The following SASH1 variants were observed in gnomAD, a reference collection of about 807,000 sequenced individuals.
SASH1 encodes the protein SAM and SH3 domain containing 1.
In SASH1, 44 loss-of-function variants were observed where a neutral mutation model predicts 125.2. The ratio of observed to expected loss-of-function variants is 0.35; its 90% CI spans 0.28 to 0.45. The LOEUF is 0.45. Among genes scored for constraint, SASH1 ranks in the 20% least tolerant of loss-of-function variants. The pLI is 1.00. For synonymous variants in SASH1, 639 were observed against 649.1 expected (o/e 0.98, Z 0.24); for missense variants, 1,426 against 1,614.5 (o/e 0.88, Z 2.00).
chr6:148,206,562 G>C, the SASH1 span, among the ~76,000 whole-genome samples: 1 of 152,108 alleles, frequency 6.6e-6, no homozygotes, highest in Non-Finnish European at 1.5e-5. Context: ...GGCCAAGGCA[G>C]GTGGACCACC....
intron 1 of SASH1, among the ~76,000 whole-genome samples, chr6:148,332,368 T>A (rs1410447614): frequency 6.6e-6 from 1 of 152,222 alleles, no homozygotes; most frequent in African/African-American, 2.4e-5. Flanking sequence ...ATTGCTCAAT[T>A]TCAGCAGCAG....
At chr6:148,536,016 A>G (rs895278314) in intron 16 of SASH1, among the ~76,000 whole-genome samples, 1 of 152,236 alleles carries the variant, frequency 6.6e-6, no homozygotes, top group Non-Finnish European at 1.5e-5. Context: ...AACACACACC[A>G]TCAGATAGAT....
chr6:148,461,116 A>T (rs1646676616), intron 4 of SASH1, among the ~76,000 whole-genome samples: 1 of 152,176 alleles, frequency 6.6e-6, no homozygotes, highest in South Asian at 2.1e-4. Context: ...TGATCCTCTT[A>T]ACAGTCCATT....
At chr6:148,249,267 G>C in the SASH1 span, among the ~76,000 whole-genome samples, 10,636 of 152,310 alleles carry the variant, frequency 0.07, 406 homozygotes, top group Middle Eastern at 0.095. Flanking sequence ...CCTGAGGGGA[G>C]AAGCTGCTTA....
At chr6:148,331,014 C>T (rs1010903882) in intron 1 of SASH1, among the ~76,000 whole-genome samples, 1 of 152,032 alleles carries the variant, frequency 6.6e-6, no homozygotes, top group Non-Finnish European at 1.5e-5. Flanking sequence ...TATAATCTTA[C>T]GGTTCTCTGT....
chr6:148,437,575 G>A (rs894939012), intron 2 of SASH1, among the ~76,000 whole-genome samples: 2 of 152,192 alleles, frequency 1.3e-5, no homozygotes, highest in African/African-American at 4.8e-5. Flanking sequence ...TAAACAAGCT[G>A]GGCGTGGTCA....
At chr6:148,365,770 T>C (rs1189181283) in intron 1 of SASH1, among the ~76,000 whole-genome samples, 1 of 151,502 alleles carries the variant, frequency 6.6e-6, no homozygotes, top group African/African-American at 2.4e-5. Flanking sequence ...GCTCAGGAGT[T>C]CGAGACCAGC....
At chr6:148,389,210 C>A (rs551236821) in intron 1 of SASH1, among the ~76,000 whole-genome samples, 1 of 151,948 alleles carries the variant, frequency 6.6e-6, no homozygotes, top group Non-Finnish European at 1.5e-5. Flanking sequence ...AAAGTCTAAG[C>A]GCTTCACACG....
chr6:148,457,991 G>A (rs184436680), intron 4 of SASH1, among the ~76,000 whole-genome samples: 4 of 152,276 alleles, frequency 2.6e-5, no homozygotes, highest in Non-Finnish European at 5.9e-5. Context: ...CCCTGTTGGC[G>A]ACACAGAGCC....
chr6:148,487,715 T>A lies in SASH1; in HGVS notation c.729T>A (p.Asn243Lys), dbSNP rs763850698. 4 of 1,600,952 alleles carry A rather than the reference T, an allele frequency of 2.5e-6. No individual in the cohort carries two copies. Among genetic ancestry groups the A allele is most frequent in the Middle Eastern group, 1.7e-4 (1 of 6,042 alleles). ...YPTFDGSSNC[N>K]SREQSDDETE... ...CGTTTGATGGCTCATCAAACTGCAA[T>A]GTGAGTTTATCATGTCTTTGACATC... Residue 243 changes from asparagine to lysine, a missense_variant and splice_region_variant, in exon 8 of 20, where the codon AAT becomes AAA. Physicochemically the swap from Asn to Lys is moderately conservative, Grantham distance 94. Coordinates refer to ENST00000367467, the MANE Select transcript of SASH1 (RefSeq NM_015278.5).
chr6:148,237,075 A>G, the SASH1 span, among the ~76,000 whole-genome samples: 1 of 152,186 alleles, frequency 6.6e-6, no homozygotes, highest in East Asian at 1.9e-4. Flanking sequence ...TTCTTTATCA[A>G]TTATCCCATC....
the SASH1 span, among the ~76,000 whole-genome samples, chr6:148,213,505 GGT>G: frequency 0.09 from 13,394 of 148,316 alleles, 698 homozygotes; most frequent in African/African-American, 0.14. Context: ...CTAGCCAAAG[GGT>G]GTGTGTGTGT....
chr6:148,304,213 C>A (rs941123230), intron 1 of SASH1, among the ~76,000 whole-genome samples: 3 of 151,428 alleles, frequency 2.0e-5, no homozygotes, highest in African/African-American at 7.3e-5. Context: ...CCGAGGCGGG[C>A]GGATCACGAG....
At chr6:148,245,926 T>C in the SASH1 span, among the ~76,000 whole-genome samples, 1 of 150,664 alleles carries the variant, frequency 6.6e-6, no homozygotes, top group African/African-American at 2.4e-5. Context: ...GAGATGGAGG[T>C]GAGCCCAGAT....
At chr6:148,336,332 C>A (rs910957882) in intron 1 of SASH1, among the ~76,000 whole-genome samples, 5 of 151,630 alleles carry the variant, frequency 3.3e-5, no homozygotes, top group Non-Finnish European at 7.4e-5. Flanking sequence ...CCTGCCTCCA[C>A]GCCCATTAAA....
chr6:148,233,364 G>T, the SASH1 span, among the ~76,000 whole-genome samples: 1 of 152,066 alleles, frequency 6.6e-6, no homozygotes, highest in Admixed American at 6.5e-5. Flanking sequence ...GAGAAAGAGG[G>T]GGAAGCTTTC....
the SASH1 span, among the ~76,000 whole-genome samples, chr6:148,204,342 C>CT: frequency 6.6e-6 from 1 of 152,168 alleles, no homozygotes; most frequent in African/African-American, 2.4e-5. Context: ...ATCTGCAAGA[C>CT]TTTTTTCATT....
intron 1 of SASH1, among the ~76,000 whole-genome samples, chr6:148,318,687 G>A (rs1471091851): frequency 7.0e-6 from 1 of 143,788 alleles, no homozygotes; most frequent in African/African-American, 2.4e-5. Flanking sequence ...CGAGTAGCTC[G>A]GACTACAGGC....
intron 1 of SASH1, chr6:148,380,015 T>C (rs1783072206): frequency 2.0e-5 from 9 of 454,364 alleles, no homozygotes; most frequent in Non-Finnish European, 4.0e-5. Context: ...AGTTGTTACC[T>C]GTCAGTTCTT....
Sources: allele counts gnomAD v4.1 joint callset (sites outside exome capture counted in the v4.1 genomes callset), GRCh38; gene constraint gnomAD v4.1.1; transcripts MANE v1.5; gene names NCBI Gene and HGNC (gene_info 2026-07-23, HGNC 2026-07-21).